The following UGP2 variants were observed in gnomAD, a reference collection of about 807,000 sequenced individuals.
UGP2 encodes the protein UTP--glucose-1-phosphate uridylyltransferase.
UGP2 carries 40 observed loss-of-function variants against 49.0 expected under a neutral mutation model. The observed-to-expected ratio is 0.82, with a 90% confidence interval of 0.63 to 1.06. The LOEUF is 1.06. Ranked by LOEUF, UGP2 falls within the 50% of genes least tolerant of loss-of-function variation. The pLI is 0.00. For missense variants in UGP2, 460 were observed against 603.5 expected (o/e 0.76, Z 2.49); for synonymous variants, 225 against 213.0 (o/e 1.06, Z -0.49).
Position 63,857,834 on chromosome 2 carries a change from C to G in UGP2, c.153C>G (p.Thr51=). ...AATGACTTCTATTTTCACAGCACAC[C>G]AAAAAAGACCTGGATGGATTTCGGA... is the stretch of plus-strand genomic sequence containing the variant. ...TTASSHEFEH[T]KKDLDGFRKL... Residue 51 remains threonine (T), a synonymous_variant, in exon 3 of 10, where the codon ACC becomes ACG. Coordinates refer to ENST00000337130, the MANE Select transcript of UGP2 (RefSeq NM_006759.4). The G allele has an allele frequency of 6.2e-7, 1 of 1,613,462 alleles. No homozygotes were observed. Among genetic ancestry groups the G allele is most frequent in the South Asian group, 1.1e-5 (1 of 90,950 alleles).
intron 3 of UGP2, among the ~76,000 whole-genome samples, chr2:63,864,742 T>C (rs1430659956): frequency 6.6e-6 from 1 of 152,202 alleles, no homozygotes; most frequent in Non-Finnish European, 1.5e-5. Flanking sequence ...TTCCATCAGT[T>C]CTCCATCTTT....
In UGP2 at chr2:63,882,359, A is replaced by G; in HGVS notation, c.256-107A>G. On this transcript the variant is annotated intron_variant, in intron 3 of 9. Coordinates refer to ENST00000337130, the MANE Select transcript of UGP2 (RefSeq NM_006759.4). ...AGAAAAGTTGATTAAAACTTTCCACAGAGAAACCGAAACTTTATGGAAGCA... is the reference window on the plus strand; with the variant it reads ...AGAAAAGTTGATTAAAACTTTCCACGGAGAAACCGAAACTTTATGGAAGCA... 7 of 1,093,262 alleles carry G rather than the reference A, an allele frequency of 6.4e-6. No individual in the cohort carries two copies. In the South Asian group the frequency reaches 1.4e-4, roughly 22 times the overall value. 67.7% of individuals were successfully genotyped at this position (1,093,262 alleles called of 1,614,324 possible).
intron 1 of UGP2, chr2:63,855,301 A>G (rs189476307): frequency 1.2e-4 from 43 of 356,270 alleles, no homozygotes; most frequent in African/African-American, 9.2e-4. Context: ...TTGTAAAAAT[A>G]ACTAGTTATC....
intron 1 of UGP2, among the ~76,000 whole-genome samples, chr2:63,845,312 A>C (rs1313611588): frequency 6.6e-6 from 1 of 152,174 alleles, no homozygotes; most frequent in Admixed American, 6.5e-5. Flanking sequence ...GGCTGAAATG[A>C]GATGAACTAT....
chr2:63,859,581 A>G (rs1669694269), intron 3 of UGP2, among the ~76,000 whole-genome samples: 2 of 152,178 alleles, frequency 1.3e-5, no homozygotes, highest in South Asian at 4.1e-4. Context: ...ACCCTACCCC[A>G]TTCCCAGGAA....
chr2:63,873,799 A>G (rs1379421598), intron 3 of UGP2, among the ~76,000 whole-genome samples: 1 of 152,176 alleles, frequency 6.6e-6, no homozygotes, highest in Admixed American at 6.5e-5. Context: ...GATTAGATTC[A>G]GCTACATAGG....
At chr2:63,875,064 A>G (rs1431747244) in intron 3 of UGP2, among the ~76,000 whole-genome samples, 1 of 152,250 alleles carries the variant, frequency 6.6e-6, no homozygotes, top group East Asian at 1.9e-4. Context: ...GTAAATTTGT[A>G]GGATCTTTCA....
At chr2:63,886,884 G>C (rs557246958) in intron 7 of UGP2, among the ~76,000 whole-genome samples, 2 of 152,274 alleles carry the variant, frequency 1.3e-5, no homozygotes, top group East Asian at 3.9e-4. Flanking sequence ...ATCATGAAAT[G>C]ATATTACTGA....
rs1283183182 is a variant in UGP2, at chr2:63,887,383, C to T, written c.1072-19C>T. Reference sequence around the variant, plus strand: ...CCTAAAACCTCTGTTTTCTATTCCCCACCCCTAATTTCTTACAGACTTTGG... The same window carrying T: ...CCTAAAACCTCTGTTTTCTATTCCCTACCCCTAATTTCTTACAGACTTTGG... On this transcript the variant is annotated intron_variant, in intron 7 of 9. Coordinates refer to ENST00000337130, the MANE Select transcript of UGP2 (RefSeq NM_006759.4). 8 of 1,613,336 alleles carry T rather than the reference C, an allele frequency of 5.0e-6. No homozygotes were observed. The highest frequency in any genetic ancestry group is 6.8e-6 in the Non-Finnish European group (8 of 1,179,624).
chr2:63,882,714 A>C, intron 4 of UGP2, 63 bp downstream of exon 4: 2 of 1,402,862 alleles, frequency 1.4e-6, no homozygotes, highest in Non-Finnish European at 1.9e-6. Context: ...AAGTTATCAT[A>C]AATGTTATAA....
upstream of UGP2, among the ~76,000 whole-genome samples, chr2:63,841,537 G>A (rs796447468): frequency 4.6e-5 from 7 of 152,318 alleles, 1 homozygote; most frequent in African/African-American, 1.7e-4. Flanking sequence ...CACTGCTCGA[G>A]GCGGGAAGGC....
Position 63,885,737 on chromosome 2 carries a change from GA to G in UGP2, c.726del (p.Gly243AlafsTer10). On this transcript the variant is annotated frameshift_variant, in exon 6 of 10. Coordinates refer to ENST00000337130, the MANE Select transcript of UGP2 (RefSeq NM_006759.4). LOFTEE classifies it high-confidence loss of function. ...TGGATTGCTTGATACCTTTATAGGA[GA>G]AGGCAAAGAGTATATTTTTGTGTCT... ...NSGLLDTFIG[E>X]GKEYIFVSNI... 1 of 1,613,914 alleles carries G rather than the reference GA, an allele frequency of 6.2e-7. No individual in the cohort carries two copies. The highest frequency in any genetic ancestry group is 8.5e-7 in the Non-Finnish European group (1 of 1,179,928).
chr2:63,851,282 C>CA (rs1344838629), intron 1 of UGP2, among the ~76,000 whole-genome samples: 5 of 152,146 alleles, frequency 3.3e-5, no homozygotes, highest in Non-Finnish European at 7.4e-5. Context: ...TTTGGGAAAA[C>CA]AAAGTTGCAT....
intron 1 of UGP2, among the ~76,000 whole-genome samples, chr2:63,849,405 C>G (rs1310502175): frequency 6.6e-6 from 1 of 152,124 alleles, no homozygotes; most frequent in East Asian, 1.9e-4. Flanking sequence ...TTTAAAACTT[C>G]CAAAGAGCAC....
intron 3 of UGP2, among the ~76,000 whole-genome samples, chr2:63,874,423 C>A (rs749232581): frequency 6.6e-6 from 1 of 151,996 alleles, no homozygotes; most frequent in Non-Finnish European, 1.5e-5. Flanking sequence ...TCTTAGCAGC[C>A]GAGTATGTTA....
At chr2:63,857,352 GTGTT>G (rs771945242) in intron 2 of UGP2, among the ~76,000 whole-genome samples, 4 of 151,874 alleles carry the variant, frequency 2.6e-5, no homozygotes, top group South Asian at 4.2e-4. Context: ...TAAACAAATG[GTGTT>G]TGTTTGTTTG....
chr2:63,849,918 C>T (rs1460403054), intron 1 of UGP2, among the ~76,000 whole-genome samples: 2 of 152,204 alleles, frequency 1.3e-5, no homozygotes, highest in African/African-American at 4.8e-5. Flanking sequence ...GCAAGTTACA[C>T]GGCAGGACTA....
intron 3 of UGP2, among the ~76,000 whole-genome samples, chr2:63,876,752 GTC>G (rs1257762802): frequency 3.9e-5 from 6 of 152,182 alleles, no homozygotes; most frequent in Non-Finnish European, 8.8e-5. Flanking sequence ...TGGTACATAA[GTC>G]TCTGTATTGT....
At chr2:63,865,560 A>G (rs1429111047) in intron 3 of UGP2, among the ~76,000 whole-genome samples, 1 of 140,430 alleles carries the variant, frequency 7.1e-6, no homozygotes, top group Non-Finnish European at 1.5e-5. Context: ...TTTTAAAGAG[A>G]CAGGGTCTCA....
Sources: gnomAD v4.1 joint callset for allele counts (sites outside exome capture counted in the v4.1 genomes callset) on GRCh38, gnomAD v4.1.1 for gene constraint, MANE v1.5 for transcripts, NCBI Gene and HGNC (gene_info 2026-07-23, HGNC 2026-07-21) for gene names.